Variants in PDRG1 observed in about 807,000 individuals in gnomAD.
PDRG1 encodes p53 and DNA damage regulated 1.
PDRG1 carries 14 observed loss-of-function variants against 18.4 expected under a neutral mutation model. The observed-to-expected ratio is 0.76, with a 90% CI of 0.50 to 1.19. The LOEUF (loss-of-function observed/expected upper bound fraction) is 1.19. Among genes scored for constraint, PDRG1 ranks in the 50% most tolerant of loss-of-function variants. The pLI is 0.00. For synonymous variants in PDRG1, 65 were observed against 60.9 expected, an observed-to-expected ratio of 1.07 and a Z score of -0.31; for missense variants, 177 against 160.1, an observed-to-expected ratio of 1.11 and a Z score of -0.57.
intron 1 of PDRG1, among the ~76,000 whole-genome samples, chr20:31,951,639 G>C (rs1251726027): frequency 2.6e-5 from 4 of 152,190 alleles, no homozygotes; most frequent in Non-Finnish European, 4.4e-5. Flanking sequence ...TCAGGGAAAC[G>C]GCCCAGAGCA....
rs565393911 is a variant in PDRG1 at position 31,951,089 on chromosome 20, C to T, written c.88-702G>A. 1.2e-3 allele frequency among the ~76,000 whole-genome samples: 185 copies of T among 152,302 alleles called. 1 individual carries two copies. Among genetic ancestry groups the T allele is most frequent in the African/African-American group, 4.2e-3 (174 of 41,548 alleles). ...AACTTTAACTGCTCTTATTCTCATC[C>T]AGCACACCCTGATCCAGTACTTAAT... On this transcript the variant is annotated intron_variant, in intron 1 of 4. Coordinates refer to ENST00000202017, the MANE Select transcript of PDRG1 (RefSeq NM_030815.3).
intron 3 of PDRG1, 55 bp from the exon 4 acceptor site, chr20:31,946,631 C>T: frequency 6.7e-7 from 1 of 1,499,292 alleles, no homozygotes; most frequent in Non-Finnish European, 9.3e-7. Context: ...CAGACTTGAT[C>T]CCAGTAGTGG....
rs114626798 is a variant in PDRG1 at position 31,945,408 on chromosome 20, T to C, written c.*399A>G. The C allele has an allele frequency of 6.1e-6, 1 of 164,784 alleles. No homozygotes were observed. Among genetic ancestry groups the C allele is most frequent in the African/African-American group, 2.4e-5 (1 of 41,844 alleles). The allele number at this position is 164,784 out of a possible 1,614,324, so 10.2% of individuals were successfully genotyped here. ...CCAGCCTGAAAACCTCTCTCCCTTC[T>C]GAGAGGAATGCTGGAATGACACTCC... is the stretch of plus-strand genomic sequence containing the variant. On this transcript the variant is annotated 3_prime_UTR_variant, in exon 5 of 5. Coordinates refer to ENST00000202017, the MANE Select transcript of PDRG1 (RefSeq NM_030815.3).
Position 31,951,920 on chromosome 20 carries a change from T to C in PDRG1, c.42A>G (p.Val14=), listed in dbSNP as rs1348187815. The change falls in exon 1 of 5, where the codon GTA becomes GTG. Residue 14 remains valine, a synonymous_variant. Coordinates refer to ENST00000202017, the MANE Select transcript of PDRG1 (RefSeq NM_030815.3). ...PEAERVLRYL[V]EVEELAEEVL... ...CCTCCTCGGCGAGCTCCTCCACTTC[T>C]ACAAGGTACCGCAGCACTCGCTCTG... 1.3e-6 allele frequency: 2 copies of C among 1,595,866 alleles called. No homozygotes were observed. The highest frequency in any genetic ancestry group is 1.7e-6 in the Non-Finnish European group (2 of 1,171,932).
rs759432900 is a variant in PDRG1 at position 31,951,879 on chromosome 20, C to T, written c.83G>A (p.Arg28Gln). ...CGCCGCGGAGGGGCCTCTCACCTGC[C>T]GCTTGTCCGCCAGCACCTCCTCGGC... ...ELAEEVLADK[R>Q]QIVDLDTKRN... is the part of the protein sequence containing the mutation. The change falls in exon 1 of 5, where the codon CGG becomes CAG. Residue 28 changes from arginine to glutamine, a missense_variant. Coordinates refer to ENST00000202017, the MANE Select transcript of PDRG1 (RefSeq NM_030815.3). 5 of 1,584,100 alleles carry T rather than the reference C, an allele frequency of 3.2e-6. No individual in the cohort carries two copies. In the East Asian group the frequency reaches 7.1e-5, roughly 22 times the overall value.
intron 1 of PDRG1, among the ~76,000 whole-genome samples, chr20:31,951,047 AT>A (rs1463753849): frequency 6.6e-6 from 1 of 152,234 alleles, no homozygotes; most frequent in Admixed American, 6.5e-5. Context: ...TACCTGGCAC[AT>A]AGTAAGTAGC....
intron 1 of PDRG1, among the ~76,000 whole-genome samples, chr20:31,951,117 G>A (rs1202770116): frequency 6.6e-6 from 1 of 152,120 alleles, no homozygotes; most frequent in African/African-American, 2.4e-5. Context: ...TACTTAATTT[G>A]ACAGGATCTT....
Position 31,946,432 on chromosome 20 carries a change from C to A in PDRG1, c.319+64G>T, listed in dbSNP as rs116424993. ...CTGAGGGTCGGACTTCCCATCCCTG[C>A]CCTTCAAAGTCCATGCTGATGATTC... On this transcript the variant is annotated intron_variant, in intron 4 of 4. Transcript: ENST00000202017. 1,658 of 1,434,788 alleles carry A rather than the reference C, an allele frequency of 1.2e-3. 10 individuals are homozygous for A. In the African/African-American group the frequency reaches 0.019, roughly 17 times the overall value. 88.9% of individuals were successfully genotyped at this position (1,434,788 alleles called of 1,614,324 possible).
At chr20:31,946,152 C>A (rs573639657) in intron 4 of PDRG1, among the ~76,000 whole-genome samples, 2 of 152,174 alleles carry the variant, frequency 1.3e-5, no homozygotes, top group Non-Finnish European at 2.9e-5. Flanking sequence ...TTGCATTTAT[C>A]AAGAATTTCA....
intron 3 of PDRG1, among the ~76,000 whole-genome samples, chr20:31,947,076 CTTAA>C (rs1237541659): frequency 6.6e-6 from 1 of 152,192 alleles, no homozygotes; most frequent in African/African-American, 2.4e-5. Flanking sequence ...TCAAGCTTAA[CTTAA>C]TTAGCCACTG....
intron 4 of PDRG1, among the ~76,000 whole-genome samples, chr20:31,946,277 C>T (rs2064317774): frequency 6.6e-6 from 1 of 152,170 alleles, no homozygotes; most frequent in Admixed American, 6.5e-5. Context: ...TTCCTGGGAC[C>T]TGGAAAAGAA....
chr20:31,945,958 G>A, intron 4 of PDRG1, 69 bp from the exon 5 acceptor site: 1 of 1,321,598 alleles, frequency 7.6e-7, no homozygotes, highest in Non-Finnish European at 1.1e-6. Context: ...CCAGGAAAGG[G>A]GCTGACGCTG....
chr20:31,946,416 G>T, intron 4 of PDRG1, 80 bp downstream of exon 4: 1 of 1,341,136 alleles, frequency 7.5e-7, no homozygotes. Context: ...TCTGAGGGTC[G>T]GACTTCCCAT....
Position 31,951,986 on chromosome 20 carries a change from C to A in PDRG1, c.-25G>T. The A allele has an allele frequency of 2.0e-6, 3 of 1,526,778 alleles. No homozygotes were observed. Among genetic ancestry groups the A allele is most frequent in the Non-Finnish European group, 2.6e-6 (3 of 1,139,438 alleles). The allele number at this position is 1,526,778 out of a possible 1,614,324, so 94.6% of individuals were successfully genotyped here. The stretch of plus-strand genomic sequence containing the variant: ...TAGCGCCCACCAACTCCGCTTGCGG[C>A]TCTCGCGCGACCCCGGGATCTCCGC... On this transcript the variant is annotated 5_prime_UTR_variant, in exon 1 of 5. Coordinates refer to ENST00000202017, the MANE Select transcript of PDRG1 (RefSeq NM_030815.3).
At position 31,950,381 on chromosome 20, in the gene PDRG1, C is replaced by G. The variant is rs2064344884; in HGVS notation, c.94G>C (p.Asp32His). The part of the protein sequence containing the change: ...EVLADKRQIV[D>H]LDTKRNQNRE... ...TTCTGATTCCTTTTAGTGTCCAGGT[C>G]CACAATCTGAAAACCACAGGGACAG... The change falls in exon 2 of 5, where the codon GAC becomes CAC. Residue 32 changes from aspartate to histidine, a missense_variant. Physicochemically the swap from Asp to His is moderately conservative, Grantham distance 81 (BLOSUM62 -1). Transcript: ENST00000202017. 2.5e-6 allele frequency: 4 copies of G among 1,611,282 alleles called. No homozygotes were observed. The African/African-American group carries it at 5.3e-5, about 21-fold the overall frequency.
At chr20:31,946,999 T>G (rs1228665765) in intron 3 of PDRG1, among the ~76,000 whole-genome samples, 3 of 152,110 alleles carry the variant, frequency 2.0e-5, no homozygotes, top group Non-Finnish European at 2.9e-5. Flanking sequence ...TCCATCAAGG[T>G]GAGGGGGTTT....
At chr20:31,947,379 TGATAATGTCTCA>T (rs1486464432) in intron 3 of PDRG1, among the ~76,000 whole-genome samples, 1 of 152,196 alleles carries the variant, frequency 6.6e-6, no homozygotes, top group Non-Finnish European at 1.5e-5. Context: ...CCAAGAAATC[TGATAATGTCTCA>T]GAACCCCTCT....
chr20:31,949,858 C>G (rs1044873512), intron 2 of PDRG1, among the ~76,000 whole-genome samples: 1 of 152,176 alleles, frequency 6.6e-6, no homozygotes, highest in African/African-American at 2.4e-5. Flanking sequence ...GCCATACTTA[C>G]TCCCCATTTG....
chr20:31,948,102 A>G (rs1317718594), intron 3 of PDRG1, among the ~76,000 whole-genome samples: 1 of 152,182 alleles, frequency 6.6e-6, no homozygotes, highest in Non-Finnish European at 1.5e-5. Context: ...GTGGAAACTG[A>G]GTACACTGAG....
Sources: gnomAD v4.1 joint callset for allele counts (sites outside exome capture counted in the v4.1 genomes callset) on GRCh38, gnomAD v4.1.1 for gene constraint, MANE v1.5 for transcripts, NCBI Gene and HGNC (gene_info 2026-07-23, HGNC 2026-07-21) for gene names.